The following CNTLN variants were observed in gnomAD, a reference collection of about 807,000 sequenced individuals.
The protein encoded by CNTLN is centlein, centrosomal protein.
CNTLN carries 212 observed loss-of-function variants against 180.0 expected under a neutral mutation model. The observed-to-expected ratio is 1.18, with a 90% confidence interval of 1.05 to 1.32. The LOEUF (loss-of-function observed/expected upper bound fraction) is 1.32, where lower values mean the gene tolerates loss of function less well. Ranked by LOEUF, CNTLN falls within the 40% of genes most tolerant of loss-of-function variation. The probability of loss-of-function intolerance (pLI) is 0.00; values close to 1 mark genes in which losing one functional copy is unlikely to be tolerated. For synonymous variants in CNTLN, 722 were observed against 563.1 expected (o/e 1.28, Z -3.99); for missense variants, 2,095 against 1,610.9 (o/e 1.30, Z -5.14).
chr9:17,395,712 A>G (rs899745971), intron 15 of CNTLN, among the ~76,000 whole-genome samples: 5 of 152,204 alleles, frequency 3.3e-5, no homozygotes, highest in Non-Finnish European at 7.3e-5. Context: ...ATGTACCCCT[A>G]GTGAACAGCA....
chr9:17,472,139 A>G (rs1416744979), intron 23 of CNTLN, among the ~76,000 whole-genome samples: 1 of 152,172 alleles, frequency 6.6e-6, no homozygotes, highest in African/African-American at 2.4e-5. Flanking sequence ...TATATCATGT[A>G]GTAACAACAC....
Position 17,294,289 on chromosome 9 carries a change from C to T in CNTLN, c.984-3901C>T, listed in dbSNP as rs978911045. Reference sequence around the variant, plus strand: ...TGGCAGCCTGCTTTTATTGTCTTATCTGGCCCCACCCACATCCTGCTGATT... The same window carrying T: ...TGGCAGCCTGCTTTTATTGTCTTATTTGGCCCCACCCACATCCTGCTGATT... On this transcript the variant is annotated intron_variant, in intron 6 of 25. Transcript: ENST00000380647. Among the ~76,000 whole-genome samples the T allele has an allele frequency of 1.3e-4, 20 of 152,196 alleles. 1 individual carries two copies. Among genetic ancestry groups the T allele is most frequent in the African/African-American group, 4.8e-4 (20 of 41,540 alleles).
At chr9:17,139,664 A>C (rs1310690967) in intron 1 of CNTLN, among the ~76,000 whole-genome samples, 1 of 152,090 alleles carries the variant, frequency 6.6e-6, no homozygotes, top group Non-Finnish European at 1.5e-5. Flanking sequence ...TGTCTCAAAA[A>C]AAAAAAAGGA....
At chr9:17,182,661 A>G (rs999145191) in intron 2 of CNTLN, among the ~76,000 whole-genome samples, 1 of 152,202 alleles carries the variant, frequency 6.6e-6, no homozygotes, top group African/African-American at 2.4e-5. Context: ...TTGATAGATG[A>G]CGAGTTTACC....
At chr9:17,173,801 G>C (rs1013797392) in intron 2 of CNTLN, among the ~76,000 whole-genome samples, 4 of 152,140 alleles carry the variant, frequency 2.6e-5, no homozygotes, top group African/African-American at 9.7e-5. Context: ...GATAATTGTA[G>C]ATTCACATGC....
chr9:17,214,464 C>G (rs1823579830), intron 2 of CNTLN, among the ~76,000 whole-genome samples: 1 of 152,202 alleles, frequency 6.6e-6, no homozygotes, highest in Admixed American at 6.5e-5. Flanking sequence ...GTAACCCGAC[C>G]TTTCTCTCTG....
intron 10 of CNTLN, among the ~76,000 whole-genome samples, chr9:17,335,683 A>G (rs1820967421): frequency 1.3e-5 from 2 of 152,136 alleles, no homozygotes; most frequent in Admixed American, 6.6e-5. Context: ...CAGGCCTGTA[A>G]TTGTAGCACT....
At chr9:17,135,712 C>A (rs188737249) in intron 1 of CNTLN, among the ~76,000 whole-genome samples, 1 of 152,282 alleles carries the variant, frequency 6.6e-6, no homozygotes, top group East Asian at 1.9e-4. Flanking sequence ...CTCTCCGCTT[C>A]CCCCCCAAGC....
At chr9:17,452,420 A>G (rs535849054) in intron 18 of CNTLN, among the ~76,000 whole-genome samples, 3 of 152,316 alleles carry the variant, frequency 2.0e-5, no homozygotes, top group African/African-American at 7.2e-5. Context: ...TCAATGCTGT[A>G]CTTAGCTTCT....
intron 1 of CNTLN, among the ~76,000 whole-genome samples, chr9:17,138,261 T>A (rs1331297335): frequency 2.0e-5 from 3 of 152,214 alleles, no homozygotes; most frequent in Non-Finnish European, 4.4e-5. Context: ...AAAAGTGTTA[T>A]GTTTACATAG....
At chr9:17,319,243 ACTT>A (rs1475632132) in intron 8 of CNTLN, among the ~76,000 whole-genome samples, 1 of 152,178 alleles carries the variant, frequency 6.6e-6, no homozygotes, top group African/African-American at 2.4e-5. Flanking sequence ...CTGGCTAAGT[ACTT>A]CTTGTAATCT....
chr9:17,474,978 T>C (rs777074257), intron 23 of CNTLN, among the ~76,000 whole-genome samples: 3 of 152,092 alleles, frequency 2.0e-5, no homozygotes, highest in Non-Finnish European at 4.4e-5. Context: ...AAGGACTCCA[T>C]GATTAATTTT....
chr9:17,495,085 G>T (rs1422781882), intron 25 of CNTLN: 4 of 356,282 alleles, frequency 1.1e-5, no homozygotes, highest in South Asian at 2.1e-5. Context: ...TTGCCATGTT[G>T]CCCAGGCTGG....
At chr9:17,214,255 G>A (rs1823561125) in intron 2 of CNTLN, among the ~76,000 whole-genome samples, 2 of 152,176 alleles carry the variant, frequency 1.3e-5, no homozygotes, top group African/African-American at 2.4e-5. Context: ...GCCTGGTGGT[G>A]ACAAAATCTC....
At chr9:17,474,554 T>C (rs1464872456) in intron 23 of CNTLN, among the ~76,000 whole-genome samples, 1 of 152,130 alleles carries the variant, frequency 6.6e-6, no homozygotes, top group East Asian at 1.9e-4. Flanking sequence ...TCTCCATCTG[T>C]TGGCAGAATG....
intron 14 of CNTLN, among the ~76,000 whole-genome samples, chr9:17,391,338 T>C (rs1165951299): frequency 6.6e-6 from 1 of 152,100 alleles, no homozygotes; most frequent in Admixed American, 6.5e-5. Flanking sequence ...TGGCTTGCTT[T>C]TGGGGAGAGG....
At chr9:17,359,725 C>CAAAAAAAAAAAAAAAAAAAAAAAAAAA (rs1176814681) in intron 12 of CNTLN, among the ~76,000 whole-genome samples, 2 of 21,334 alleles carry the variant, frequency 9.4e-5, no homozygotes, top group African/African-American at 1.2e-4. Flanking sequence ...ACTAAAAATA[C>CAAAAAAAAAAAAAAAAAAAAAAAAAAA]AAAAAAAAAA....
the CNTLN span, among the ~76,000 whole-genome samples, chr9:17,512,898 G>T: frequency 1.1e-3 from 165 of 152,204 alleles, no homozygotes; most frequent in Non-Finnish European, 1.7e-3. Flanking sequence ...CTCACTGCAA[G>T]CTCCGCCTCC....
chr9:17,199,533 A>T (rs904312842), intron 2 of CNTLN, among the ~76,000 whole-genome samples: 1 of 152,160 alleles, frequency 6.6e-6, no homozygotes, highest in Non-Finnish European at 1.5e-5. Flanking sequence ...AATAATCACC[A>T]TTCTAACTGG....
Sources: gnomAD v4.1 joint callset for allele counts (sites outside exome capture counted in the v4.1 genomes callset) on GRCh38, gnomAD v4.1.1 for gene constraint, MANE v1.5 for transcripts, NCBI Gene and HGNC (gene_info 2026-07-23, HGNC 2026-07-21) for gene names.